LGI2: variants seen among roughly 807,000 people sequenced by gnomAD.
LGI2 encodes leucine-rich repeat LGI family member 2.
A neutral mutation model predicts 52.0 loss-of-function variants in LGI2; 30 were observed. That is an observed-to-expected ratio of 0.58 (90% CI 0.43 to 0.78). The LOEUF (loss-of-function observed/expected upper bound fraction) is 0.78, where lower values mean the gene tolerates loss of function less well. LGI2 is among the 30% of genes least tolerant of loss of function. The pLI is 0.00. For missense variants in LGI2, 573 were observed against 692.5 expected (o/e 0.83, Z 1.94); for synonymous variants, 270 against 271.8 (o/e 0.99, Z 0.06).
chr4:25,005,486 C>T (rs1052031283), intron 7 of LGI2, among the ~76,000 whole-genome samples: 1 of 151,746 alleles, frequency 6.6e-6, no homozygotes, highest in Non-Finnish European at 1.5e-5. Context: ...TTTAGCCATT[C>T]CACAATGTAT....
intron 7 of LGI2, 23 bp downstream of exon 7, chr4:25,012,312 A>G: frequency 6.2e-7 from 1 of 1,613,550 alleles, no homozygotes; most frequent in South Asian, 1.1e-5. Context: ...AGTTCAACAC[A>G]TCTGATCAAA....
Position 25,028,493 on chromosome 4 carries a change from C to T in LGI2, c.269+14G>A, listed in dbSNP as rs184153853. 61 of 1,611,550 alleles carry T rather than the reference C, an allele frequency of 3.8e-5. No homozygotes were observed. The highest frequency in any genetic ancestry group is 5.0e-5 in the Non-Finnish European group (59 of 1,179,128). On this transcript the variant is annotated intron_variant, in intron 2 of 7. Coordinates refer to ENST00000382114, the MANE Select transcript of LGI2 (RefSeq NM_018176.4). ...AGGGCCCCCCATTGTGCAGAGGGAA[C>T]TTCCCATACTCACAGCAGCTGCAGA...
downstream of LGI2, among the ~76,000 whole-genome samples, chr4:24,994,806 C>T (rs954015274): frequency 1.3e-5 from 2 of 152,196 alleles, no homozygotes; most frequent in Non-Finnish European, 1.5e-5. Context: ...AGGGCCATCC[C>T]AAACCCCAAG....
In LGI2 at chr4:25,004,713, G is replaced by A. The variant is rs2110455; in HGVS notation, c.821-445C>T. Reference sequence around the variant, plus strand: ...GTGGCCAGCTATGCAGTGGGTTCTTGCCACATACCAAATCTGCCAATGTCT... The same window carrying A: ...GTGGCCAGCTATGCAGTGGGTTCTTACCACATACCAAATCTGCCAATGTCT... On this transcript the variant is annotated intron_variant, in intron 7 of 7. Coordinates refer to ENST00000382114, the MANE Select transcript of LGI2 (RefSeq NM_018176.4). This position sits in a 1 kb window ranked among gnomAD's most constrained non-coding sequence, Gnocchi z 4.6. 1.3e-5 allele frequency among the ~76,000 whole-genome samples: 2 copies of A among 151,824 alleles called. No individual in the cohort carries two copies. Among genetic ancestry groups the A allele is most frequent in the African/African-American group, 4.8e-5 (2 of 41,416 alleles).
At chr4:25,022,530 G>A (rs991181417) in intron 4 of LGI2, among the ~76,000 whole-genome samples, 2 of 152,160 alleles carry the variant, frequency 1.3e-5, no homozygotes, top group African/African-American at 4.8e-5. Flanking sequence ...CTGGACCCAA[G>A]TGCAGGCAGG....
Position 25,001,529 on chromosome 4 carries a change from C to T in LGI2, c.*1922G>A, listed in dbSNP as rs1444497288. 1.3e-5 allele frequency: 2 copies of T among 151,554 alleles called. No individual in the cohort carries two copies. The highest frequency in any genetic ancestry group is 2.9e-5 in the Non-Finnish European group (2 of 67,962). 9.4% of individuals were successfully genotyped at this position (151,554 alleles called of 1,614,324 possible). A position where few individuals can be genotyped will look rare whatever the true frequency, so the allele number is the denominator to read the frequency against. On this transcript the variant is annotated 3_prime_UTR_variant, in exon 8 of 8. Coordinates refer to ENST00000382114, the MANE Select transcript of LGI2 (RefSeq NM_018176.4). ...TCAGCCTCCAATGGGGGGACCTGGG[C>T]ATTTGTAGCCTGTTCAAAGAAACCA...
intron 2 of LGI2, 137 bp from the exon 3 acceptor site, chr4:25,027,076 T>C: frequency 1.5e-6 from 1 of 664,694 alleles, no homozygotes; most frequent in Admixed American, 2.6e-5. Context: ...CACATTTTGT[T>C]GTCAAAAACC....
At chr4:25,017,498 C>T (rs1382514349) in intron 6 of LGI2, among the ~76,000 whole-genome samples, 5 of 136,952 alleles carry the variant, frequency 3.7e-5, no homozygotes, top group Non-Finnish European at 4.5e-5. Context: ...GTTGAGATCA[C>T]GCCACTACAC....
intron 3 of LGI2, among the ~76,000 whole-genome samples, chr4:25,026,452 A>G (rs1726154326): frequency 6.6e-6 from 1 of 152,198 alleles, no homozygotes; most frequent in Non-Finnish European, 1.5e-5. Flanking sequence ...CAGTGAGTGA[A>G]CAACATGAAG....
At chr4:24,995,827 A>T (rs2109396027), downstream of LGI2, among the ~76,000 whole-genome samples, 1 of 152,312 alleles carries the variant, frequency 6.6e-6, no homozygotes, top group African/African-American at 2.4e-5. Flanking sequence ...AGAATATTAA[A>T]ACCTATTGAA....
chr4:24,992,260 G>A, the LGI2 span, among the ~76,000 whole-genome samples: 1 of 152,148 alleles, frequency 6.6e-6, no homozygotes, highest in Non-Finnish European at 1.5e-5. Context: ...AGGCTCCAAA[G>A]GATTTCAAGC....
At chr4:25,008,917 G>T (rs16876592) in intron 7 of LGI2, among the ~76,000 whole-genome samples, 1,918 of 152,268 alleles carry the variant, frequency 0.013, 41 homozygotes, top group African/African-American at 0.043. Context: ...CACTCGGATC[G>T]CACTGACTTC....
intron 4 of LGI2, among the ~76,000 whole-genome samples, chr4:25,020,315 G>C (rs886459212): frequency 6.6e-6 from 1 of 152,190 alleles, no homozygotes; most frequent in Non-Finnish European, 1.5e-5. Flanking sequence ...CCAGGAAATA[G>C]AGTAGAATGC....
chr4:25,012,970 T>A (rs1357976053), intron 6 of LGI2, among the ~76,000 whole-genome samples: 1 of 152,218 alleles, frequency 6.6e-6, no homozygotes, highest in Admixed American at 6.5e-5. Context: ...TTGTTTGATA[T>A]GGTGCTTCTC....
At chr4:25,018,974 A>G (rs1483863629) in intron 5 of LGI2, among the ~76,000 whole-genome samples, 193 bp downstream of exon 5, 1 of 152,182 alleles carries the variant, frequency 6.6e-6, no homozygotes, top group African/African-American at 2.4e-5. Flanking sequence ...CATTGGCCTC[A>G]TGGTGCTAAG....
chr4:25,015,885 A>C (rs1725741864), intron 6 of LGI2, among the ~76,000 whole-genome samples: 1 of 152,180 alleles, frequency 6.6e-6, no homozygotes, highest in Admixed American at 6.5e-5. Flanking sequence ...CGATGGAAGA[A>C]ACTGTCAGCA....
In LGI2 at chr4:24,999,184, A is replaced by G. The variant is rs142718389; in HGVS notation, c.*4267T>C. 2 of 152,356 alleles carry G rather than the reference A, an allele frequency of 1.3e-5. No homozygotes were observed. Among genetic ancestry groups the G allele is most frequent in the East Asian group, 3.9e-4 (2 of 5,192 alleles). 9.4% of individuals were successfully genotyped at this position (152,356 alleles called of 1,614,324 possible). A position where few individuals can be genotyped will look rare whatever the true frequency, so the allele number is the denominator to read the frequency against. ...GATTTTGATACAAGCAATGGAATAC[A>G]GTAAGGATAATAATAACTTGGTTTC... On this transcript the variant is annotated 3_prime_UTR_variant, in exon 8 of 8. Coordinates refer to ENST00000382114, the MANE Select transcript of LGI2 (RefSeq NM_018176.4).
chr4:25,007,558 T>C (rs1725429705), intron 7 of LGI2, among the ~76,000 whole-genome samples: 1 of 149,840 alleles, frequency 6.7e-6, no homozygotes. Context: ...AGCCATGGAG[T>C]TGTCAGTAGC....
At chr4:25,028,599 A>G in intron 1 of LGI2, 21 bp from the exon 2 acceptor site, 1 of 1,605,080 alleles carries the variant, frequency 6.2e-7, no homozygotes, top group East Asian at 2.2e-5. Flanking sequence ...AAGATGAACA[A>G]AAGTAGGCCT....
Sources: allele counts gnomAD v4.1 joint callset (sites outside exome capture counted in the v4.1 genomes callset), GRCh38; gene constraint gnomAD v4.1.1; non-coding constraint Gnocchi (gnomAD v3.1); transcripts MANE v1.5; gene names NCBI Gene and HGNC (gene_info 2026-07-23, HGNC 2026-07-21).